Variants in NRXN1 observed in about 807,000 individuals in gnomAD.
NRXN1 encodes the protein neurexin-1.
A neutral mutation model predicts 150.9 loss-of-function variants in NRXN1; 39 were observed. The ratio of observed to expected loss-of-function variants is 0.26; its 90% CI spans 0.20 to 0.34. The LOEUF (loss-of-function observed/expected upper bound fraction) is 0.34, where lower values mean the gene tolerates loss of function less well. Among genes scored for constraint, NRXN1 ranks in the 10% least tolerant of loss-of-function variants. NRXN1 has a pLI of 1.00. For synonymous variants in NRXN1, 924 were observed against 757.0 expected (o/e 1.22, Z -3.62); for missense variants, 1,815 against 1,949.9 (o/e 0.93, Z 1.30).
intron 17 of NRXN1, among the ~76,000 whole-genome samples, chr2:50,361,424 A>C (rs560193505): frequency 4.6e-5 from 7 of 152,312 alleles, no homozygotes; most frequent in African/African-American, 1.7e-4. Context: ...AAAATGATAA[A>C]GGGGATATCA....
intron 17 of NRXN1, among the ~76,000 whole-genome samples, chr2:50,288,288 G>C (rs2072460321): frequency 6.6e-6 from 1 of 152,030 alleles, no homozygotes; most frequent in Non-Finnish European, 1.5e-5. Flanking sequence ...CCATGACTAA[G>C]AAAGAAGTGC....
chr2:50,566,187 C>T (rs568058898), intron 8 of NRXN1, among the ~76,000 whole-genome samples: 15 of 152,224 alleles, frequency 9.9e-5, no homozygotes, highest in African/African-American at 3.6e-4. Flanking sequence ...TTAGAGTTGG[C>T]CAGCTACATC....
At chr2:50,256,007 C>T (rs889464989) in intron 17 of NRXN1, among the ~76,000 whole-genome samples, 3 of 152,088 alleles carry the variant, frequency 2.0e-5, no homozygotes, top group Admixed American at 6.6e-5. Context: ...TGATTTTAGT[C>T]AGATGTTTAA....
intron 9 of NRXN1, among the ~76,000 whole-genome samples, chr2:50,550,016 T>A (rs1667203883): frequency 6.6e-6 from 1 of 152,142 alleles, no homozygotes; most frequent in Non-Finnish European, 1.5e-5. Flanking sequence ...AAAATATAAA[T>A]CATTATTTTC....
At chr2:50,206,029 A>G (rs1164521914) in intron 18 of NRXN1, among the ~76,000 whole-genome samples, 1 of 152,122 alleles carries the variant, frequency 6.6e-6, no homozygotes, top group Non-Finnish European at 1.5e-5. Flanking sequence ...TATACTAAAA[A>G]TCATTAAATT....
intron 18 of NRXN1, among the ~76,000 whole-genome samples, chr2:50,114,355 A>G (rs1186029511): frequency 1.3e-5 from 2 of 152,190 alleles, no homozygotes; most frequent in Non-Finnish European, 2.9e-5. Context: ...GACACTGACA[A>G]CACCAAAGGC....
intron 19 of NRXN1, among the ~76,000 whole-genome samples, chr2:50,090,933 A>C (rs924325900): frequency 6.6e-6 from 1 of 152,238 alleles, no homozygotes; most frequent in Middle Eastern, 3.4e-3. Context: ...ATTTTCTCTC[A>C]GAAAAAAAAA....
chr2:50,037,230 T>A (rs942887035), intron 21 of NRXN1, among the ~76,000 whole-genome samples: 3 of 152,136 alleles, frequency 2.0e-5, no homozygotes, highest in African/African-American at 4.8e-5. Flanking sequence ...AATTTTTATC[T>A]CCTTTGTTCT....
intron 17 of NRXN1, among the ~76,000 whole-genome samples, chr2:50,379,414 T>C (rs78825606): frequency 0.021 from 3,130 of 152,234 alleles, 89 homozygotes; most frequent in African/African-American, 0.07. Context: ...ACAAACTCTA[T>C]TGTGTACAAC....
chr2:50,251,889 G>C (rs1181023705), intron 17 of NRXN1, among the ~76,000 whole-genome samples: 2 of 151,836 alleles, frequency 1.3e-5, no homozygotes, highest in Non-Finnish European at 2.9e-5. Flanking sequence ...TTGTTTGTTT[G>C]TTTTTGTAAA....
At chr2:51,027,135 A>C (rs1238039562) in intron 2 of NRXN1, among the ~76,000 whole-genome samples, 2 of 152,182 alleles carry the variant, frequency 1.3e-5, no homozygotes, top group Non-Finnish European at 1.5e-5. Flanking sequence ...ACAGATTTAG[A>C]AGTGGTAGAG....
intron 17 of NRXN1, among the ~76,000 whole-genome samples, chr2:50,453,253 C>T (rs2087178277): frequency 6.6e-6 from 1 of 152,080 alleles, no homozygotes; most frequent in Non-Finnish European, 1.5e-5. Flanking sequence ...GATTTCAGAG[C>T]ACTACCTCCC....
Position 50,347,345 on chromosome 2 carries a change from G to A in NRXN1, c.3365-110375C>T, listed in dbSNP as rs1162682338. On this transcript the variant is annotated intron_variant, in intron 17 of 22. Coordinates refer to ENST00000401669, the MANE Select transcript of NRXN1 (RefSeq NM_001330078.2). The surrounding 1 kb of genome is among the most constrained non-coding windows in gnomAD (Gnocchi z 4.9). ...GAGAAATTGTTTAAAGCTCCTCCTG[G>A]AAGGTCCTCACTTCTACATGACAGA... is the stretch of plus-strand genomic sequence containing the variant. 4.0e-6 allele frequency: 5 copies of A among 1,237,324 alleles called. No homozygotes were observed. In the East Asian group the frequency reaches 2.9e-4, roughly 72 times the overall value. 76.6% of individuals were successfully genotyped at this position (1,237,324 alleles called of 1,614,324 possible). A position where few individuals can be genotyped will look rare whatever the true frequency, so the allele number is the denominator to read the frequency against.
At chr2:50,689,288 AAAG>A (rs1436419868) in intron 5 of NRXN1, among the ~76,000 whole-genome samples, 8 of 152,280 alleles carry the variant, frequency 5.3e-5, no homozygotes, top group Non-Finnish European at 8.8e-5. Flanking sequence ...ACAGGCTTGA[AAAG>A]AAAACCAGTT....
chr2:50,343,022 T>A (rs1209504537), intron 17 of NRXN1, among the ~76,000 whole-genome samples: 6 of 152,242 alleles, frequency 3.9e-5, no homozygotes, highest in African/African-American at 1.4e-4. Context: ...ATAATTATTA[T>A]CCTTATATAA....
At chr2:50,041,563 C>T (rs1690969273) in intron 21 of NRXN1, among the ~76,000 whole-genome samples, 1 of 152,298 alleles carries the variant, frequency 6.6e-6, no homozygotes, top group Non-Finnish European at 1.5e-5. Flanking sequence ...GAATTCTCGA[C>T]TCTTTGAAAT....
chr2:50,092,132 T>A (rs2152698342), intron 18 of NRXN1, among the ~76,000 whole-genome samples: 1 of 152,264 alleles, frequency 6.6e-6, no homozygotes, highest in African/African-American at 2.4e-5. Context: ...GTACGAAAAC[T>A]AAAATTCATT....
chr2:50,522,853 T>A (rs989181378), intron 12 of NRXN1, among the ~76,000 whole-genome samples: 1 of 144,240 alleles, frequency 6.9e-6, no homozygotes, highest in African/African-American at 2.6e-5. Context: ...TGCCTCAGCC[T>A]CCCAAGTAGC....
chr2:50,346,764 G>C lies in NRXN1; in HGVS notation c.3365-109794C>G, dbSNP rs750429738. On this transcript the variant is annotated intron_variant, in intron 17 of 22. Coordinates refer to ENST00000401669, the MANE Select transcript of NRXN1 (RefSeq NM_001330078.2). This position sits in a 1 kb window ranked among gnomAD's most constrained non-coding sequence, Gnocchi z 5.0. Reference sequence around the variant, plus strand: ...CTGAATGATGCTTGCTGCTGCCATGGAAATGGTGGATGTGGTGCGCTCCCA... The same window carrying C: ...CTGAATGATGCTTGCTGCTGCCATGCAAATGGTGGATGTGGTGCGCTCCCA... 1 of 1,613,894 alleles carries C rather than the reference G, an allele frequency of 6.2e-7. No homozygotes were observed. Among genetic ancestry groups the C allele is most frequent in the Non-Finnish European group, 8.5e-7 (1 of 1,179,962 alleles).
Sources: allele counts gnomAD v4.1 joint callset (sites outside exome capture counted in the v4.1 genomes callset), GRCh38; gene constraint gnomAD v4.1.1; non-coding constraint Gnocchi (gnomAD v3.1); transcripts MANE v1.5; gene names NCBI Gene and HGNC (gene_info 2026-07-23, HGNC 2026-07-21).